The following KPNA1 variants were observed in gnomAD, a reference collection of about 807,000 sequenced individuals.
The protein encoded by KPNA1 is importin subunit alpha-5.
A neutral mutation model predicts 70.5 loss-of-function variants in KPNA1; 10 were observed. The ratio of observed to expected loss-of-function variants is 0.14; its 90% CI spans 0.09 to 0.24. The LOEUF is 0.24. Ranked by LOEUF, KPNA1 falls within the 10% of genes least tolerant of loss-of-function variation. The pLI is 1.00. For missense variants in KPNA1, 397 were observed against 637.9 expected, an observed-to-expected ratio of 0.62 and a Z score of 4.07; for synonymous variants, 192 against 221.9, an observed-to-expected ratio of 0.87 and a Z score of 1.20.
At position 122,451,987 on chromosome 3, in the gene KPNA1, G is replaced by C; in HGVS notation, c.642C>G (p.Pro214=). The change falls in exon 7 of 14, where the codon CCC becomes CCG. Residue 214 remains proline, a synonymous_variant. Coordinates refer to ENST00000344337, the MANE Select transcript of KPNA1 (RefSeq NM_002264.4). Reference sequence around the variant, plus strand: ...AAGAAGAAACTTACTGCAAAAGAGGGGGAAGGATATTGCAGTCTAAGACAT... The same window carrying C: ...AAGAAGAAACTTACTGCAAAAGAGGCGGAAGGATATTGCAGTCTAAGACAT... The part of the protein sequence containing the change: ...RDYVLDCNIL[P]PLLQLFSKQN... The C allele has an allele frequency of 6.3e-7, 1 of 1,592,538 alleles. No homozygotes were observed. The highest frequency in any genetic ancestry group is 1.3e-5 in the African/African-American group (1 of 74,184).
chr3:122,495,726 C>CAAA lies in KPNA1; in HGVS notation c.129+708_129+710dup, dbSNP rs397876048. Reference sequence around the variant, plus strand: ...TTCAGGCTCCAAAGTCTCTCCTTAGCAAAAAAAAAAAAAAAAAAAAAGTCA... The same window carrying CAAA: ...TTCAGGCTCCAAAGTCTCTCCTTAGCAAAAAAAAAAAAAAAAAAAAAAAAGTCA... On this transcript the variant is annotated intron_variant, in intron 2 of 13. Coordinates refer to ENST00000344337, the MANE Select transcript of KPNA1 (RefSeq NM_002264.4). Among the ~76,000 whole-genome samples the CAAA allele has an allele frequency of 5.2e-3, 354 of 67,912 alleles. 4 individuals carry two copies. The highest frequency in any genetic ancestry group is 0.015 in the East Asian group (39 of 2,558). The allele number at this position is 67,912 out of a possible 152,430, so 44.6% of individuals were successfully genotyped here. A position where few individuals can be genotyped will look rare whatever the true frequency, so the allele number is the denominator to read the frequency against.
chr3:122,498,917 T>C (rs2076793273), intron 1 of KPNA1, among the ~76,000 whole-genome samples: 1 of 152,224 alleles, frequency 6.6e-6, no homozygotes, highest in South Asian at 2.1e-4. Flanking sequence ...TTTCTGTCTA[T>C]AATGTAATGT....
chr3:122,492,233 G>A (rs578155900), intron 2 of KPNA1, among the ~76,000 whole-genome samples: 19 of 152,216 alleles, frequency 1.2e-4, no homozygotes, highest in East Asian at 5.8e-4. Flanking sequence ...GTGTCACAGC[G>A]TGCCAGTACA....
chr3:122,482,763 G>C (rs73190142), intron 2 of KPNA1, among the ~76,000 whole-genome samples: 20,259 of 152,114 alleles, frequency 0.13, 1,428 homozygotes, highest in Middle Eastern at 0.27. Context: ...GAAATACTTA[G>C]GGAAAAATCT....
chr3:122,425,499 T>C lies in KPNA1; in HGVS notation c.*1486A>G, dbSNP rs2075810554. The C allele has an allele frequency of 6.6e-6, 1 of 152,658 alleles. No individual in the cohort carries two copies. Among genetic ancestry groups the C allele is most frequent in the African/African-American group, 2.4e-5 (1 of 41,462 alleles). 9.5% of individuals were successfully genotyped at this position (152,658 alleles called of 1,614,324 possible). A position where few individuals can be genotyped will look rare whatever the true frequency, so the allele number is the denominator to read the frequency against. ...ACAGCACATCAACAAAAAAATCTTC[T>C]CTGGTAGTGTATCCCAACATTGAGT... On this transcript the variant is annotated 3_prime_UTR_variant, in exon 14 of 14. Transcript: ENST00000344337.
intron 1 of KPNA1, among the ~76,000 whole-genome samples, chr3:122,501,408 G>A (rs1213016329): frequency 1.3e-5 from 2 of 152,172 alleles, no homozygotes; most frequent in Admixed American, 6.5e-5. Context: ...ATTCCTACAC[G>A]ATGTCTTCAT....
intron 2 of KPNA1, 53 bp from the exon 3 acceptor site, chr3:122,467,482 G>T: frequency 2.7e-6 from 3 of 1,119,934 alleles, no homozygotes; most frequent in Non-Finnish European, 2.6e-6. Flanking sequence ...ACACAAGGGA[G>T]TTCAACATTC....
intron 5 of KPNA1, 76 bp from the exon 6 acceptor site, chr3:122,454,077 G>T: frequency 2.0e-6 from 2 of 1,001,554 alleles, no homozygotes; most frequent in South Asian, 1.9e-5. Flanking sequence ...AACATTTTCT[G>T]TACATGAAAA....
At chr3:122,498,921 G>A (rs567837948) in intron 1 of KPNA1, among the ~76,000 whole-genome samples, 20 of 152,252 alleles carry the variant, frequency 1.3e-4, no homozygotes, top group Middle Eastern at 3.4e-3. Flanking sequence ...TGTCTATAAT[G>A]TAATGTAGCT....
intron 4 of KPNA1, among the ~76,000 whole-genome samples, chr3:122,461,582 A>C: frequency 6.6e-6 from 1 of 152,206 alleles, no homozygotes; most frequent in Non-Finnish European, 1.5e-5. Context: ...ACTTTTTAGA[A>C]AACCTAAAAA....
intron 1 of KPNA1, among the ~76,000 whole-genome samples, chr3:122,507,208 A>G (rs757303930): frequency 6.6e-6 from 1 of 152,242 alleles, no homozygotes; most frequent in African/African-American, 2.4e-5. Context: ...TGGGAGGCCA[A>G]GGCGGGCGGA....
At chr3:122,476,798 T>C (rs2076502556) in intron 2 of KPNA1, among the ~76,000 whole-genome samples, 1 of 136,886 alleles carries the variant, frequency 7.3e-6, no homozygotes, top group Middle Eastern at 3.7e-3. Context: ...AGGAAACCCT[T>C]GCACATCGCT....
chr3:122,444,448 T>G (rs1430594969), intron 9 of KPNA1, among the ~76,000 whole-genome samples: 1 of 152,238 alleles, frequency 6.6e-6, no homozygotes, highest in African/African-American at 2.4e-5. Context: ...CCATGAAATC[T>G]TCACGATTTA....
chr3:122,437,259 G>T lies in KPNA1; in HGVS notation c.1033C>A (p.His345Asn), dbSNP rs746404486. Reference sequence around the variant, plus strand: ...GATTCCTTTGGGCTACTCAGCAAATGCAATAAACTCTGCAGAGCTGAGCAA... The same window carrying T: ...GATTCCTTTGGGCTACTCAGCAAATTCAATAAACTCTGCAGAGCTGAGCAA... ...LNCSALQSLL[H>N]LLSSPKESIK... Residue 345 changes from histidine (H) to asparagine (N), a missense_variant, in exon 11 of 14, where the codon CAT becomes AAT. Transcript: ENST00000344337. 2 of 1,613,392 alleles carry T rather than the reference G, an allele frequency of 1.2e-6. No individual in the cohort carries two copies. Among genetic ancestry groups the T allele is most frequent in the Non-Finnish European group, 1.7e-6 (2 of 1,179,512 alleles).
chr3:122,484,515 G>A (rs1322169268), intron 2 of KPNA1, among the ~76,000 whole-genome samples: 5 of 151,988 alleles, frequency 3.3e-5, no homozygotes, highest in Non-Finnish European at 7.4e-5. Context: ...GCATGGTGGT[G>A]GGCGCCTATA....
intron 12 of KPNA1, among the ~76,000 whole-genome samples, chr3:122,432,002 C>T (rs980793804): frequency 5.9e-5 from 9 of 152,120 alleles, no homozygotes; most frequent in African/African-American, 2.2e-4. Context: ...CGGGGTTTCA[C>T]CCTGTTGGCC....
intron 1 of KPNA1, among the ~76,000 whole-genome samples, chr3:122,501,611 C>T (rs1379367433): frequency 6.6e-6 from 1 of 152,130 alleles, no homozygotes; most frequent in African/African-American, 2.4e-5. Flanking sequence ...TGTTTTGTAG[C>T]CCAGCAAAAT....
At position 122,422,902 on chromosome 3, in the gene KPNA1, C is replaced by T. The variant is rs1172937388; in HGVS notation, c.*4083G>A. Reference sequence around the variant, plus strand: ...CCTTAGTTGAAAACAGAACGGAACACTTCTTTTCTTTCTTCTTACCCCAAG... The same window carrying T: ...CCTTAGTTGAAAACAGAACGGAACATTTCTTTTCTTTCTTCTTACCCCAAG... On this transcript the variant is annotated 3_prime_UTR_variant, in exon 14 of 14. Coordinates refer to ENST00000344337, the MANE Select transcript of KPNA1 (RefSeq NM_002264.4). The T allele has an allele frequency of 6.6e-6, 1 of 152,216 alleles. No homozygotes were observed. The highest frequency in any genetic ancestry group is 6.5e-5 in the Admixed American group (1 of 15,284). 9.4% of individuals were successfully genotyped at this position (152,216 alleles called of 1,614,324 possible).
intron 2 of KPNA1, among the ~76,000 whole-genome samples, chr3:122,475,246 C>A (rs893695735): frequency 6.6e-6 from 1 of 152,062 alleles, no homozygotes; most frequent in Non-Finnish European, 1.5e-5. Flanking sequence ...AGAAAACAAT[C>A]CCATTTACAA....
Sources: allele counts gnomAD v4.1 joint callset (sites outside exome capture counted in the v4.1 genomes callset), GRCh38; gene constraint gnomAD v4.1.1; transcripts MANE v1.5; gene names NCBI Gene and HGNC (gene_info 2026-07-23, HGNC 2026-07-21).